Variants in ANKFN1 observed in about 807,000 individuals in gnomAD.
ANKFN1 encodes ankyrin repeat and fibronectin type III domain containing 1.
A neutral mutation model predicts 108.7 loss-of-function variants in ANKFN1; 74 were observed. The observed-to-expected ratio is 0.68, with a 90% CI of 0.56 to 0.83. ANKFN1 has a LOEUF of 0.83. ANKFN1 is among the 40% of genes least tolerant of loss of function. The pLI, the probability that ANKFN1 is intolerant of heterozygous loss-of-function variation, is 0.00. For missense variants in ANKFN1, 1,505 were observed against 1,382.3 expected (o/e 1.09, Z -1.41); for synonymous variants, 547 against 516.2 (o/e 1.06, Z -0.81).
intron 4 of ANKFN1, among the ~76,000 whole-genome samples, chr17:56,099,057 G>A (rs1036392772): frequency 3.3e-5 from 5 of 152,196 alleles, no homozygotes; most frequent in Non-Finnish European, 7.3e-5. Flanking sequence ...AACAGGAGCT[G>A]TAATGGAGGG....
upstream of ANKFN1, among the ~76,000 whole-genome samples, chr17:56,152,021 G>A (rs77525102): frequency 0.013 from 1,973 of 152,100 alleles, 50 homozygotes; most frequent in African/African-American, 0.045. Flanking sequence ...ATGAAGCATG[G>A]TGCCTTCCAT....
intron 8 of ANKFN1, among the ~76,000 whole-genome samples, chr17:56,438,275 T>C (rs2048989343): frequency 6.6e-6 from 1 of 152,138 alleles, no homozygotes; most frequent in Non-Finnish European, 1.5e-5. Flanking sequence ...AGGTCCTAAA[T>C]GATTGGTGAG....
rs767076478 is a variant in ANKFN1 at position 56,457,880 on chromosome 17, A to C, written c.1458A>C (p.Glu486Asp). The C allele has an allele frequency of 1.9e-6, 3 of 1,613,322 alleles. No individual in the cohort carries two copies. Among genetic ancestry groups the C allele is most frequent in the Non-Finnish European group, 2.5e-6 (3 of 1,179,730 alleles). Residue 486 changes from glutamate to aspartate, a missense_variant, in exon 14 of 21, where the codon GAA (glutamate) becomes GAC (aspartate). By Grantham distance (45) the Glu-to-Asp change is conservative. Transcript: ENST00000682825. ...TTTTGCAGCTGTCTTGTATGTGGGA[A>C]GATATAAGGTGGCTGAGGCAAAGCA... Reference protein sequence around the residue: ...LWFTKLSCMWEDIRWLRQSIP... With the variant: ...LWFTKLSCMWDDIRWLRQSIP...
chr17:56,082,835 C>T lies in ANKFN1; in HGVS notation c.288+36510C>T, dbSNP rs967788485. ...GTGAACTTGGTCCAATGGAGGACAACCAGTTGCCATTGCACCTGTCCCAGT... is the reference window on the plus strand; with the variant it reads ...GTGAACTTGGTCCAATGGAGGACAATCAGTTGCCATTGCACCTGTCCCAGT... On this transcript the variant is annotated intron_variant, in intron 4 of 12. Coordinates refer to the ANKFN1 transcript ENST00000635860. Among the ~76,000 whole-genome samples the T allele has an allele frequency of 7.1e-5, 10 of 141,462 alleles. 1 individual carries two copies. Among genetic ancestry groups the T allele is most frequent in the Admixed American group, 7.0e-4 (10 of 14,314 alleles). The allele number at this position is 141,462 out of a possible 152,430, so 92.8% of individuals were successfully genotyped here. A position where few individuals can be genotyped will look rare whatever the true frequency, so the allele number is the denominator to read the frequency against.
At chr17:56,489,967 CA>C (rs374764070) in intron 18 of ANKFN1, among the ~76,000 whole-genome samples, 8 of 152,288 alleles carry the variant, frequency 5.3e-5, no homozygotes, top group African/African-American at 1.9e-4. Context: ...ACAGGAAAAT[CA>C]AGCCCACAGT....
At chr17:56,260,280 A>C (rs2043474115) in intron 3 of ANKFN1, among the ~76,000 whole-genome samples, 1 of 152,244 alleles carries the variant, frequency 6.6e-6, no homozygotes, top group Non-Finnish European at 1.5e-5. Flanking sequence ...AATGAATCAG[A>C]GGCATATGGA....
At chr17:56,168,879 A>T (rs1040443019) in intron 1 of ANKFN1, among the ~76,000 whole-genome samples, 1 of 152,206 alleles carries the variant, frequency 6.6e-6, no homozygotes, top group Admixed American at 6.5e-5. Context: ...GTGAATGGAT[A>T]AGTGGAGACA....
At chr17:56,328,152 A>G (rs533413206) in intron 4 of ANKFN1, among the ~76,000 whole-genome samples, 152 of 152,362 alleles carry the variant, frequency 1.0e-3, no homozygotes, top group African/African-American at 3.5e-3. Context: ...CCCAAAGATC[A>G]TTAGTATTTT....
At chr17:56,212,008 T>G (rs1915053578) in intron 1 of ANKFN1, among the ~76,000 whole-genome samples, 1 of 152,156 alleles carries the variant, frequency 6.6e-6, no homozygotes, top group Non-Finnish European at 1.5e-5. Flanking sequence ...TGGATGAGTC[T>G]TTAGGGTTTT....
intron 1 of ANKFN1, among the ~76,000 whole-genome samples, chr17:56,162,890 C>A (rs1297493554): frequency 6.6e-6 from 1 of 151,922 alleles, no homozygotes; most frequent in African/African-American, 2.4e-5. Flanking sequence ...CACAAATTAG[C>A]CAGGCATGCT....
In ANKFN1 at chr17:56,130,013, C is replaced by G. The variant is rs16956689; in HGVS notation, c.288+83688C>G. On this transcript the variant is annotated intron_variant, in intron 4 of 12. Transcript: ENST00000635860. ...AGGTAACATACTAGCAGTTTATGAA[C>G]CAAAATAACCTCGCTATAGATTAGA... Among the ~76,000 whole-genome samples the G allele has an allele frequency of 7.4e-3, 1,127 of 152,316 alleles. 16 individuals carry two copies. Among genetic ancestry groups the G allele is most frequent in the African/African-American group, 0.026 (1,081 of 41,572 alleles).
chr17:56,345,681 T>C (rs1567931146), intron 4 of ANKFN1, among the ~76,000 whole-genome samples: 1 of 152,208 alleles, frequency 6.6e-6, no homozygotes. Context: ...GTTGGCCACA[T>C]AAATGTCTTC....
intron 3 of ANKFN1, among the ~76,000 whole-genome samples, chr17:56,293,137 A>G (rs2144320557): frequency 6.6e-6 from 1 of 152,330 alleles, no homozygotes; most frequent in Middle Eastern, 3.4e-3. Context: ...TAGGAGACAA[A>G]GTCCATAACA....
chr17:56,097,488 A>G lies in ANKFN1; in HGVS notation c.288+51163A>G, dbSNP rs545014737. Among the ~76,000 whole-genome samples the G allele has an allele frequency of 1.5e-3, 231 of 152,182 alleles. 1 individual carries two copies. The highest frequency in any genetic ancestry group is 2.7e-3 in the Non-Finnish European group (185 of 68,034). On this transcript the variant is annotated intron_variant, in intron 4 of 12. Transcript: ENST00000635860. ...AAAATGCTTGTTTCTTTCTTACTTG[A>G]GAATTTTTATTCTTCAAACTCCAGG... is the stretch of plus-strand genomic sequence containing the variant.
At chr17:56,073,285 C>T (rs1466882206) in intron 4 of ANKFN1, among the ~76,000 whole-genome samples, 1 of 152,246 alleles carries the variant, frequency 6.6e-6, no homozygotes, top group Non-Finnish European at 1.5e-5. Context: ...AGCCACCGCG[C>T]CCGGCCTATT....
intron 4 of ANKFN1, among the ~76,000 whole-genome samples, chr17:56,120,464 G>T (rs995337027): frequency 3.9e-5 from 6 of 152,058 alleles, no homozygotes; most frequent in African/African-American, 1.4e-4. Context: ...CAACCCTTAG[G>T]ATTTCTTTTA....
chr17:56,183,158 C>T (rs552574534), intron 1 of ANKFN1, among the ~76,000 whole-genome samples: 229 of 152,224 alleles, frequency 1.5e-3, no homozygotes, highest in Admixed American at 4.7e-3. Context: ...TTCTGCAACC[C>T]ATGGATCGAG....
At chr17:56,395,344 T>G (rs1229888764) in intron 8 of ANKFN1, among the ~76,000 whole-genome samples, 2 of 152,058 alleles carry the variant, frequency 1.3e-5, no homozygotes, top group African/African-American at 4.8e-5. Flanking sequence ...GACGCTGTTG[T>G]GTGAAAAGAC....
At chr17:56,153,411 G>T, upstream of ANKFN1, 1 of 1,476,746 alleles carries the variant, frequency 6.8e-7, no homozygotes, top group South Asian at 1.1e-5. Flanking sequence ...GATAAAGCCA[G>T]GGTTCCCTTG....
Sources: gnomAD v4.1 joint callset for allele counts (sites outside exome capture counted in the v4.1 genomes callset) on GRCh38, gnomAD v4.1.1 for gene constraint, MANE v1.5 for transcripts, NCBI Gene and HGNC (gene_info 2026-07-23, HGNC 2026-07-21) for gene names.